Variants in ADCY8 observed in about 807,000 individuals in gnomAD.
The protein encoded by ADCY8 is adenylate cyclase 8.
ADCY8 carries 51 observed loss-of-function variants against 119.7 expected under a neutral mutation model. The ratio of observed to expected loss-of-function variants is 0.43; its 90% CI spans 0.34 to 0.54. The LOEUF (loss-of-function observed/expected upper bound fraction) is 0.54, where lower values mean the gene tolerates loss of function less well. Among genes scored for constraint, ADCY8 ranks in the 20% least tolerant of loss-of-function variants. The pLI, the probability that ADCY8 is intolerant of heterozygous loss-of-function variation, is 0.03. For missense variants in ADCY8, 1,383 were observed against 1,598.8 expected (o/e 0.87, Z 2.30); for synonymous variants, 665 against 651.0 (o/e 1.02, Z -0.33).
At chr8:130,886,776 A>G (rs1401197874) in intron 7 of ADCY8, among the ~76,000 whole-genome samples, 3 of 152,040 alleles carry the variant, frequency 2.0e-5, no homozygotes, top group Non-Finnish European at 2.9e-5. Flanking sequence ...TTTTATTTGT[A>G]TATGGTTTTC....
At chr8:130,849,930 A>G (rs1242229126) in intron 9 of ADCY8, 127 bp from the exon 10 acceptor site, 1 of 951,554 alleles carries the variant, frequency 1.1e-6, no homozygotes, top group African/African-American at 1.7e-5. Context: ...TTTGTCCAAG[A>G]AAAAGGTTAT....
chr8:131,031,343 C>T (rs1185037440), intron 1 of ADCY8, among the ~76,000 whole-genome samples: 1 of 152,180 alleles, frequency 6.6e-6, no homozygotes, highest in African/African-American at 2.4e-5. Context: ...GGTCTTAATT[C>T]CATTCCACAG....
intron 2 of ADCY8, among the ~76,000 whole-genome samples, chr8:130,972,608 A>G (rs1158666181): frequency 6.6e-6 from 1 of 152,214 alleles, no homozygotes; most frequent in Non-Finnish European, 1.5e-5. Flanking sequence ...CAAGGCAACC[A>G]AAGTAGGGTA....
intron 2 of ADCY8, among the ~76,000 whole-genome samples, chr8:130,952,790 C>A (rs142188924): frequency 6.6e-6 from 1 of 152,144 alleles, no homozygotes; most frequent in Admixed American, 6.5e-5. Context: ...AACTGGCAAC[C>A]GAGATGGCAG....
intron 2 of ADCY8, among the ~76,000 whole-genome samples, chr8:130,966,014 G>A (rs1029844543): frequency 6.6e-6 from 1 of 152,108 alleles, no homozygotes; most frequent in African/African-American, 2.4e-5. Flanking sequence ...GTATTTGTCT[G>A]GACTCCTTTG....
chr8:131,018,027 C>T (rs28508149), intron 1 of ADCY8, among the ~76,000 whole-genome samples: 63,423 of 151,862 alleles, frequency 0.42, 13,750 homozygotes, highest in East Asian at 0.64. Context: ...ATTACAAATG[C>T]CGAGTATAAA....
At chr8:130,992,682 T>C (rs1297968085) in intron 1 of ADCY8, among the ~76,000 whole-genome samples, 1 of 152,022 alleles carries the variant, frequency 6.6e-6, no homozygotes, top group Non-Finnish European at 1.5e-5. Flanking sequence ...CCCAAAGTGC[T>C]GGGATTACAT....
intron 9 of ADCY8, among the ~76,000 whole-genome samples, chr8:130,854,646 T>C (rs762984661): frequency 2.8e-4 from 42 of 152,284 alleles, no homozygotes; most frequent in Non-Finnish European, 5.1e-4. Flanking sequence ...AGAAATAGGC[T>C]TGGTTAATTT....
At chr8:130,846,505 T>C (rs1206739796) in intron 11 of ADCY8, among the ~76,000 whole-genome samples, 1 of 151,628 alleles carries the variant, frequency 6.6e-6, no homozygotes, top group Non-Finnish European at 1.5e-5. Flanking sequence ...CCTCTCTTCC[T>C]TCTTCCCTCT....
chr8:130,860,168 A>G (rs1416039829), intron 9 of ADCY8, among the ~76,000 whole-genome samples: 2 of 152,038 alleles, frequency 1.3e-5, no homozygotes, highest in African/African-American at 4.8e-5. Flanking sequence ...GATGTTGAGC[A>G]TTTTTCACAT....
intron 8 of ADCY8, among the ~76,000 whole-genome samples, chr8:130,872,125 A>G (rs968628766): frequency 2.0e-5 from 3 of 152,220 alleles, no homozygotes; most frequent in Non-Finnish European, 4.4e-5. Context: ...AGGATTTGGA[A>G]TATTATTATT....
At chr8:131,018,555 C>T (rs1482850179) in intron 1 of ADCY8, among the ~76,000 whole-genome samples, 2 of 152,226 alleles carry the variant, frequency 1.3e-5, no homozygotes, top group Non-Finnish European at 2.9e-5. Context: ...TCACAGCCAT[C>T]ATGATGCTTT....
intron 12 of ADCY8, among the ~76,000 whole-genome samples, chr8:130,833,736 T>C (rs2130251719): frequency 6.6e-6 from 1 of 152,308 alleles, no homozygotes; most frequent in East Asian, 1.9e-4. Context: ...GATATATATG[T>C]CACTTTACCT....
At chr8:130,818,843 C>T (rs263274) in intron 13 of ADCY8, among the ~76,000 whole-genome samples, 126,428 of 152,202 alleles carry the variant, frequency 0.83, 52,596 homozygotes, top group East Asian at 0.91. Context: ...GAACTAGGAG[C>T]TTGAGCATTT....
At chr8:130,916,051 A>G (rs891034775) in intron 5 of ADCY8, among the ~76,000 whole-genome samples, 1 of 152,194 alleles carries the variant, frequency 6.6e-6, no homozygotes, top group Non-Finnish European at 1.5e-5. Context: ...AAACCTGGGT[A>G]TCACTACCAG....
In ADCY8 at chr8:130,884,776, C is replaced by G; in HGVS notation, c.1912-15G>C. ...GCAGCCAGAGTCTAGGGGGAAAGCA[C>G]ATGCAAACACAATAAACCTGCTAGT... On this transcript the variant is annotated splice_polypyrimidine_tract_variant and intron_variant, in intron 7 of 17. Coordinates refer to ENST00000286355, the MANE Select transcript of ADCY8 (RefSeq NM_001115.3). The G allele has an allele frequency of 6.2e-7, 1 of 1,612,600 alleles. No homozygotes were observed. The highest frequency in any genetic ancestry group is 1.3e-5 in the African/African-American group (1 of 74,988).
intron 1 of ADCY8, among the ~76,000 whole-genome samples, chr8:131,013,222 A>T (rs1223267433): frequency 6.6e-6 from 1 of 152,168 alleles, no homozygotes; most frequent in Non-Finnish European, 1.5e-5. Context: ...CTTTCATTTA[A>T]ATTAAGTAGT....
intron 7 of ADCY8, chr8:130,892,526 G>A (rs1453173882): frequency 6.6e-6 from 1 of 152,100 alleles, no homozygotes; most frequent in Non-Finnish European, 1.5e-5. Flanking sequence ...CTCACTCTTG[G>A]CCTTTCAACT....
In ADCY8 at chr8:130,903,969, C is replaced by T. The variant is rs200760917; in HGVS notation, c.1714G>A (p.Glu572Lys). 2.5e-6 allele frequency: 4 copies of T among 1,614,048 alleles called. No individual in the cohort carries two copies. Among genetic ancestry groups the T allele is most frequent in the Non-Finnish European group, 3.4e-6 (4 of 1,180,014 alleles). ...TGCTTCCTCAGGAATTCATTCCTCT[C>T]TTTACCATGGCCCTCTTCCACGTTA... Reference protein sequence around the residue: ...DYNVEEGHGKERNEFLRKHNI... With the variant: ...DYNVEEGHGKKRNEFLRKHNI... Residue 572 changes from glutamate (E) to lysine (K), a missense_variant, in exon 7 of 18, where the codon GAG becomes AAG. By Grantham distance (56) the Glu-to-Lys change is moderately conservative. Transcript: ENST00000286355.
Sources: allele counts gnomAD v4.1 joint callset (sites outside exome capture counted in the v4.1 genomes callset), GRCh38; gene constraint gnomAD v4.1.1; transcripts MANE v1.5; gene names NCBI Gene and HGNC (gene_info 2026-07-23, HGNC 2026-07-21).